FXYD1: variants seen among roughly 807,000 people sequenced by gnomAD.
FXYD1 encodes FXYD domain containing ion transport regulator 1.
In FXYD1, 9 loss-of-function variants were observed where a neutral mutation model predicts 17.2. The ratio of observed to expected loss-of-function variants is 0.52; its 90% CI spans 0.32 to 0.91. FXYD1 has a LOEUF of 0.91. FXYD1 is among the 40% of genes least tolerant of loss of function. FXYD1 has a pLI of 0.04. For missense variants in FXYD1, 113 were observed against 120.6 expected, an observed-to-expected ratio of 0.94 and a Z score of 0.29; for synonymous variants, 55 against 45.8, an observed-to-expected ratio of 1.20 and a Z score of -0.81.
intron 1 of FXYD1, chr19:35,139,637 C>T (rs544133325): frequency 1.5e-4 from 25 of 170,304 alleles, no homozygotes; most frequent in Middle Eastern, 2.8e-3. Flanking sequence ...AGCGGGCGGG[C>T]GGAGAGGGCA....
At chr19:35,140,049 C>A in intron 1 of FXYD1, 27 bp from the exon 2 acceptor site, 2 of 1,607,922 alleles carry the variant, frequency 1.2e-6, no homozygotes, top group Non-Finnish European at 1.7e-6. Context: ...AGGGCACACA[C>A]TGCCTAATCC....
intron 3 of FXYD1, 28 bp from the exon 4 acceptor site, chr19:35,141,104 C>T (rs1441732718): frequency 6.7e-7 from 1 of 1,492,196 alleles, no homozygotes; most frequent in Non-Finnish European, 9.3e-7. Context: ...CTTCCCTGCC[C>T]TCACCTTCCC....
At chr19:35,141,500 G>A in intron 4 of FXYD1, 36 bp from the exon 5 acceptor site, 2 of 1,587,138 alleles carry the variant, frequency 1.3e-6, no homozygotes, top group Non-Finnish European at 1.7e-6. Flanking sequence ...CCGCCGGGAG[G>A]GAGCCTCAGC....
intron 4 of FXYD1, 96 bp downstream of exon 4, chr19:35,141,302 CCT>C (rs1305237143): frequency 3.4e-5 from 10 of 295,012 alleles, no homozygotes; most frequent in Non-Finnish European, 5.1e-5. Flanking sequence ...CCCTAGCCCC[CCT>C]CTCCCTGGCC....
rs1600489073 is a variant in FXYD1 at position 35,143,009 on chromosome 19, C to T, written c.*122C>T. The T allele has an allele frequency of 1.7e-6, 1 of 574,604 alleles. No individual in the cohort carries two copies. Among genetic ancestry groups the T allele is most frequent in the Admixed American group, 3.2e-5 (1 of 31,118 alleles). 35.6% of individuals were successfully genotyped at this position (574,604 alleles called of 1,614,324 possible). A position where few individuals can be genotyped will look rare whatever the true frequency, so the allele number is the denominator to read the frequency against. ...CCCCAGCCCTGCCCCCGCAGACTCC[C>T]CCTGCCGCCAAGACTTCCAATAAAA... is the stretch of plus-strand genomic sequence containing the variant. On this transcript the variant is annotated 3_prime_UTR_variant, in exon 8 of 8. Coordinates refer to ENST00000351325, the MANE Select transcript of FXYD1 (RefSeq NM_021902.4). The surrounding 1 kb of genome is among the most constrained non-coding windows in gnomAD (Gnocchi z 4.3).
Position 35,142,717 on chromosome 19 carries a change from C to T in FXYD1, c.257-3C>T, listed in dbSNP as rs751206657. The T allele has an allele frequency of 1.2e-6, 2 of 1,613,762 alleles. No individual in the cohort carries two copies. Among genetic ancestry groups the T allele is most frequent in the East Asian group, 2.2e-5 (1 of 44,870 alleles). On this transcript the variant is annotated splice_region_variant and splice_polypyrimidine_tract_variant and intron_variant, in intron 6 of 7. Transcript: ENST00000351325. Reference sequence around the variant, plus strand: ...TGACCCCCGATCTCCGTGTTCCCCCCAGGTCTGTCCACCCGCAGGCGGTAG... The same window carrying T: ...TGACCCCCGATCTCCGTGTTCCCCCTAGGTCTGTCCACCCGCAGGCGGTAG...
intron 4 of FXYD1, 75 bp downstream of exon 4, chr19:35,141,281 G>C: frequency 1.2e-5 from 4 of 323,006 alleles, no homozygotes; most frequent in Admixed American, 8.2e-5. Flanking sequence ...CCTCTCCCTG[G>C]CCCCGCCTCT....
intron 1 of FXYD1, chr19:35,139,281 G>A (rs946012658): frequency 1.3e-5 from 2 of 154,166 alleles, no homozygotes; most frequent in African/African-American, 2.4e-5. Flanking sequence ...GTGTGTGTGT[G>A]TGTGTGTGTG....
At chr19:35,137,464 T>C (rs1254660348), upstream of FXYD1, among the ~76,000 whole-genome samples, 1 of 152,208 alleles carries the variant, frequency 6.6e-6, no homozygotes, top group African/African-American at 2.4e-5. Flanking sequence ...GTGTTTCTGC[T>C]TTTGTGGGTA....
Position 35,142,790 on chromosome 19 carries a change from G to T in FXYD1, c.*29+19G>T. On this transcript the variant is annotated intron_variant, in intron 7 of 7. Transcript: ENST00000351325. ...CGGCCAGGTGCTGCAGCTCTGACAC[G>T]GCGGTGGGAGGGAAGGAGGGAGGAA... 1 of 1,585,448 alleles carries T rather than the reference G, an allele frequency of 6.3e-7. No individual in the cohort carries two copies. The highest frequency in any genetic ancestry group is 8.7e-7 in the Non-Finnish European group (1 of 1,155,946).
At chr19:35,141,720 C>T in intron 5 of FXYD1, 148 bp downstream of exon 5, 1 of 645,990 alleles carries the variant, frequency 1.5e-6, no homozygotes, top group Non-Finnish European at 2.6e-6. Context: ...AAGCCTGGCC[C>T]TGGGACCAAG....
rs1457502728 is a variant in FXYD1 at position 35,142,512 on chromosome 19, T to A, written c.247T>A (p.Ser83Thr). The A allele has an allele frequency of 6.2e-7, 1 of 1,613,242 alleles. No homozygotes were observed. The highest frequency in any genetic ancestry group is 1.7e-5 in the Admixed American group (1 of 59,918). Reference sequence around the variant, plus strand: ...TGAAGAGGAGGGAACTTTCCGCAGCTCCATCCGCCGTGAGTCTGGGGAGAC... The same window carrying A: ...TGAAGAGGAGGGAACTTTCCGCAGCACCATCCGCCGTGAGTCTGGGGAGAC... ...PDEEEGTFRS[S>T]IRRLSTRRR Residue 83 changes from serine (S) to threonine (T), a missense_variant, in exon 6 of 8, where the codon TCC becomes ACC. Transcript: ENST00000351325.
chr19:35,138,265 T>C (rs2065220518), upstream of FXYD1: 1 of 152,272 alleles, frequency 6.6e-6, no homozygotes, highest in Non-Finnish European at 1.5e-5. Context: ...ACATACATGG[T>C]TTTGTCTGGT....
chr19:35,140,084 C>A lies in FXYD1; in HGVS notation c.5C>A (p.Ala2Glu). MASLGHILVFCV... is the reference protein window; with the variant it reads MESLGHILVFCV... ...CGTGGTGTCCCCCCCAGGACAATGG[C>A]GTCTCTTGGCCACATCTTGGTTTTC... The change falls in exon 2 of 8, where the codon GCG becomes GAG. Residue 2 changes from alanine (A) to glutamate (E), a missense_variant. Physicochemically the swap from Ala to Glu is moderately radical, Grantham distance 107. Transcript: ENST00000351325. The A allele has an allele frequency of 1.2e-6, 2 of 1,612,770 alleles. 1 individual carries two copies. The highest frequency in any genetic ancestry group is 4.5e-5 in the East Asian group (2 of 44,884).
At chr19:35,141,466 T>A (rs1214097143) in intron 4 of FXYD1, 70 bp from the exon 5 acceptor site, 1 of 1,297,546 alleles carries the variant, frequency 7.7e-7, no homozygotes, top group Non-Finnish European at 1.1e-6. Context: ...GAGGGCGAGC[T>A]GGAGCTACAG....
intron 4 of FXYD1, 103 bp from the exon 5 acceptor site, chr19:35,141,433 G>A (rs1344297631): frequency 5.4e-5 from 31 of 577,962 alleles, no homozygotes; most frequent in Non-Finnish European, 7.8e-5. Flanking sequence ...GCCCCGCCCC[G>A]TCCCCCAAGC....
At chr19:35,139,260 A>ATT (rs2065228125) in intron 1 of FXYD1, 7 of 125,602 alleles carry the variant, frequency 5.6e-5, no homozygotes, top group Non-Finnish European at 1.1e-4. Flanking sequence ...TTCCGGCCCC[A>ATT]CTGTGTGTGT....
chr19:35,140,699 C>A, intron 3 of FXYD1, 70 bp downstream of exon 3: 1 of 1,326,302 alleles, frequency 7.5e-7, no homozygotes, highest in Non-Finnish European at 1.1e-6. Flanking sequence ...TTCCCCCTCG[C>A]CCTCCCCCAG....
intron 3 of FXYD1, 79 bp downstream of exon 3, chr19:35,140,708 A>G: frequency 1.7e-6 from 2 of 1,177,284 alleles, no homozygotes; most frequent in Non-Finnish European, 2.5e-6. Context: ...GCCCTCCCCC[A>G]GAGTCCCAGT....
Sources: allele counts gnomAD v4.1 joint callset (sites outside exome capture counted in the v4.1 genomes callset), GRCh38; gene constraint gnomAD v4.1.1; non-coding constraint Gnocchi (gnomAD v3.1); transcripts MANE v1.5; gene names NCBI Gene and HGNC (gene_info 2026-07-23, HGNC 2026-07-21).